Variants in CDH12 observed in about 807,000 individuals in gnomAD.
CDH12 encodes cadherin 12, also known as cadherin-12.
In CDH12, 41 loss-of-function variants were observed where a neutral mutation model predicts 74.1. The ratio of observed to expected loss-of-function variants is 0.55; its 90% CI spans 0.43 to 0.72. The LOEUF is 0.72. CDH12 is among the 30% of genes least tolerant of loss of function. CDH12 has a pLI of 0.00. For synonymous variants in CDH12, 399 were observed against 355.0 expected, an observed-to-expected ratio of 1.12 and a Z score of -1.39; for missense variants, 945 against 977.2, an observed-to-expected ratio of 0.97 and a Z score of 0.44.
intron 4 of CDH12, among the ~76,000 whole-genome samples, chr5:22,083,044 C>T (rs1288452330): frequency 1.3e-5 from 2 of 152,152 alleles, no homozygotes; most frequent in East Asian, 1.9e-4. Context: ...TTGCTAGTGG[C>T]AATTGCATGA....
At chr5:22,203,036 G>A (rs1215203918) in intron 4 of CDH12, among the ~76,000 whole-genome samples, 5 of 151,492 alleles carry the variant, frequency 3.3e-5, no homozygotes, top group Admixed American at 6.6e-5. Context: ...ATAGGTATAC[G>A]ATGTGTAATA....
At chr5:22,684,249 A>G (rs1484692537) in intron 1 of CDH12, among the ~76,000 whole-genome samples, 1 of 152,202 alleles carries the variant, frequency 6.6e-6, no homozygotes, top group African/African-American at 2.4e-5. Context: ...ATGCACAGTT[A>G]TCACATCATG....
chr5:22,378,963 T>C (rs2126374545), intron 3 of CDH12, among the ~76,000 whole-genome samples: 1 of 152,290 alleles, frequency 6.6e-6, no homozygotes, highest in East Asian at 1.9e-4. Context: ...TTCCATCCAA[T>C]AGAGTCAACT....
At chr5:22,838,473 T>C (rs919849355) in intron 1 of CDH12, among the ~76,000 whole-genome samples, 1 of 152,170 alleles carries the variant, frequency 6.6e-6, no homozygotes, top group East Asian at 1.9e-4. Context: ...GAATCTCTTG[T>C]TCTCATAAAA....
In CDH12 at chr5:22,845,408, C is replaced by T. The variant is rs370816107; in HGVS notation, c.-523+7650G>A. Reference sequence around the variant, plus strand: ...CATATTATGATGTAAATTGCTCAAACTCCTTTAATAGGCATACTTTTGGGT... The same window carrying T: ...CATATTATGATGTAAATTGCTCAAATTCCTTTAATAGGCATACTTTTGGGT... On this transcript the variant is annotated intron_variant, in intron 1 of 14. Coordinates refer to ENST00000382254, the MANE Select transcript of CDH12 (RefSeq NM_004061.5). Among the ~76,000 whole-genome samples, 31 of 152,226 alleles carry T rather than the reference C, an allele frequency of 2.0e-4. 1 individual carries two copies. The East Asian group carries it at 2.1e-3, about 10-fold the overall frequency.
At chr5:22,837,439 C>A (rs1374359506) in intron 1 of CDH12, among the ~76,000 whole-genome samples, 1 of 151,886 alleles carries the variant, frequency 6.6e-6, no homozygotes, top group South Asian at 2.1e-4. Context: ...ATAAAATAAT[C>A]CTAAATACAT....
chr5:21,751,775 C>T lies in CDH12; in HGVS notation c.2347G>A (p.Gly783Ser). 6.2e-7 allele frequency: 1 copy of T among 1,613,952 alleles called. No individual in the cohort carries two copies. The highest frequency in any genetic ancestry group is 1.3e-5 in the African/African-American group (1 of 75,012). The change falls in exon 15 of 15, where the codon GGC becomes AGC. Residue 783 changes from glycine (G) to serine (S), a missense_variant. Gly to Ser is a moderately conservative substitution (Grantham distance 56). Transcript: ENST00000382254. ...TCAGGGTTATAACTCTCTTCTTCGCCAAACATGTCTGCCAAGACTTTAAAG... is the reference window on the plus strand; with the variant it reads ...TCAGGGTTATAACTCTCTTCTTCGCTAAACATGTCTGCCAAGACTTTAAAG... ...PRFKVLADMF[G>S]EEESYNPDKV...
At chr5:22,393,608 G>T (rs1294406397) in intron 3 of CDH12, among the ~76,000 whole-genome samples, 1 of 152,118 alleles carries the variant, frequency 6.6e-6, no homozygotes, top group Non-Finnish European at 1.5e-5. Flanking sequence ...GGAAGAATTT[G>T]GAGAAGCACA....
At chr5:21,941,632 T>G (rs1409643855) in intron 6 of CDH12, among the ~76,000 whole-genome samples, 1 of 152,082 alleles carries the variant, frequency 6.6e-6, no homozygotes, top group East Asian at 1.9e-4. Flanking sequence ...CCACAACTTA[T>G]AGACTATTTA....
intron 2 of CDH12, among the ~76,000 whole-genome samples, chr5:22,451,268 T>G (rs1412799540): frequency 6.6e-6 from 1 of 151,972 alleles, no homozygotes; most frequent in Admixed American, 6.6e-5. Flanking sequence ...AATGATTTAA[T>G]AAAATTTAAA....
chr5:22,548,492 A>AT (rs975992500), intron 1 of CDH12, among the ~76,000 whole-genome samples: 8 of 151,804 alleles, frequency 5.3e-5, no homozygotes, highest in South Asian at 2.1e-4. Context: ...GAAAACTATC[A>AT]TTTTTTTTCC....
intron 6 of CDH12, among the ~76,000 whole-genome samples, chr5:21,902,722 T>G (rs995798625): frequency 5.3e-5 from 8 of 152,174 alleles, no homozygotes; most frequent in Non-Finnish European, 8.8e-5. Flanking sequence ...GAGACTAATA[T>G]AAATAAGAAA....
chr5:22,758,536 G>GTT lies in CDH12; in HGVS notation c.-523+94520_-523+94521dup, dbSNP rs796728010. On this transcript the variant is annotated intron_variant, in intron 1 of 14. Coordinates refer to ENST00000382254, the MANE Select transcript of CDH12 (RefSeq NM_004061.5). ...TTCTCTAACATCCATTTGATTTATA[G>GTT]TTTTTTTTTTTTTCCTTTTTTGACA... Among the ~76,000 whole-genome samples, 691 of 144,012 alleles carry GTT rather than the reference G, an allele frequency of 4.8e-3. 3 individuals carry two copies. The highest frequency in any genetic ancestry group is 0.017 in the African/African-American group (663 of 39,354). 94.5% of individuals were successfully genotyped at this position (144,012 alleles called of 152,430 possible). A position where few individuals can be genotyped will look rare whatever the true frequency, so the allele number is the denominator to read the frequency against.
intron 5 of CDH12, among the ~76,000 whole-genome samples, chr5:22,013,377 C>T (rs1328017998): frequency 6.6e-6 from 1 of 152,136 alleles, no homozygotes; most frequent in Non-Finnish European, 1.5e-5. Context: ...CAGGTCCCTC[C>T]CTTGCTAGGT....
chr5:22,595,551 A>T (rs1736562839), intron 1 of CDH12, among the ~76,000 whole-genome samples: 1 of 152,230 alleles, frequency 6.6e-6, no homozygotes, highest in Non-Finnish European at 1.5e-5. Context: ...GTTATTTCAT[A>T]TTCACTGTAA....
intron 6 of CDH12, among the ~76,000 whole-genome samples, chr5:21,856,998 C>T (rs80229235): frequency 0.023 from 3,469 of 151,876 alleles, 97 homozygotes; most frequent in African/African-American, 0.071. Context: ...CTAAACACCA[C>T]GATAGCAGCT....
chr5:22,823,223 G>T (rs939846629), intron 1 of CDH12, among the ~76,000 whole-genome samples: 7 of 147,278 alleles, frequency 4.8e-5, no homozygotes, highest in Admixed American at 1.4e-4. Flanking sequence ...TCACACTCCG[G>T]GGACTGTTGT....
intron 6 of CDH12, among the ~76,000 whole-genome samples, chr5:21,872,884 A>AT (rs1414559958): frequency 3.4e-4 from 6 of 17,850 alleles, no homozygotes; most frequent in Non-Finnish European, 7.6e-4. Flanking sequence ...TCAATCACCT[A>AT]CCTATCATCC....
chr5:21,877,367 T>A (rs1393047607), intron 6 of CDH12, among the ~76,000 whole-genome samples: 1 of 152,194 alleles, frequency 6.6e-6, no homozygotes, highest in African/African-American at 2.4e-5. Flanking sequence ...CTTCCACAAG[T>A]CTGTAAGTTA....
Sources: allele counts gnomAD v4.1 joint callset (sites outside exome capture counted in the v4.1 genomes callset), GRCh38; gene constraint gnomAD v4.1.1; transcripts MANE v1.5; gene names NCBI Gene and HGNC (gene_info 2026-07-23, HGNC 2026-07-21).